The following TMEM9 variants were observed in gnomAD, a reference collection of about 807,000 sequenced individuals.
The protein encoded by TMEM9 is proton-transporting V-type ATPase complex assembly regulator TMEM9.
Under a neutral mutation model 22.8 loss-of-function variants are expected in TMEM9, and 13 were observed. The ratio of observed to expected loss-of-function variants is 0.57; its 90% CI spans 0.37 to 0.91. The LOEUF is 0.91. TMEM9 is among the 40% of genes least tolerant of loss of function. The probability of loss-of-function intolerance (pLI) is 0.01; values close to 1 mark genes in which losing one functional copy is unlikely to be tolerated. For synonymous variants in TMEM9, 88 were observed against 93.0 expected, an observed-to-expected ratio of 0.95 and a Z score of 0.31; for missense variants, 182 against 238.1, an observed-to-expected ratio of 0.76 and a Z score of 1.55.
chr1:201,143,733 A>G, intron 4 of TMEM9, 87 bp downstream of exon 4: 2 of 1,406,538 alleles, frequency 1.4e-6, no homozygotes, highest in Non-Finnish European at 2.0e-6. Flanking sequence ...GGGAGGTGGG[A>G]CCTGGACCTA....
chr1:201,139,428 G>A (rs1664310747), intron 4 of TMEM9, among the ~76,000 whole-genome samples: 1 of 152,176 alleles, frequency 6.6e-6, no homozygotes, highest in South Asian at 2.1e-4. Context: ...GGCTCTCCCT[G>A]ACCCCTGCAC....
intron 4 of TMEM9, among the ~76,000 whole-genome samples, chr1:201,138,201 G>A (rs919841117): frequency 2.0e-5 from 3 of 152,206 alleles, no homozygotes; most frequent in Non-Finnish European, 4.4e-5. Flanking sequence ...CTGTATCTCA[G>A]GGGAGCGTCT....
intron 2 of TMEM9, among the ~76,000 whole-genome samples, chr1:201,149,790 C>G (rs758207806): frequency 2.0e-5 from 3 of 152,194 alleles, no homozygotes; most frequent in Non-Finnish European, 4.4e-5. Flanking sequence ...CTAACCCTAG[C>G]ACTGAGGTAC....
rs761422215 is a variant in TMEM9 at position 201,151,825 on chromosome 1, TG to T, written c.93del (p.Cys31Ter). ...CTGATGTTTCTATAAGGTGGACAGA[TG>T]CATTTGCACCGGATATCTTCAGAAC... ...NKSSEDIRCK[C>X]ICPPYRNISG... is the part of the protein sequence containing the mutation. On this transcript the variant is annotated frameshift_variant, in exon 2 of 5. Coordinates refer to ENST00000367330, the MANE Select transcript of TMEM9 (RefSeq NM_001288565.2). LOFTEE classifies it high-confidence loss of function. 1 of 1,613,858 alleles carries T rather than the reference TG, an allele frequency of 6.2e-7. No individual in the cohort carries two copies. Among genetic ancestry groups the T allele is most frequent in the Non-Finnish European group, 8.5e-7 (1 of 1,180,024 alleles).
chr1:201,162,746 C>T (rs943785341), intron 1 of TMEM9, among the ~76,000 whole-genome samples: 1 of 152,124 alleles, frequency 6.6e-6, no homozygotes, highest in East Asian at 1.9e-4. Context: ...TGGACTTCAT[C>T]AAAATTAAAA....
chr1:201,166,215 T>G (rs937375326), intron 1 of TMEM9, among the ~76,000 whole-genome samples: 12 of 152,154 alleles, frequency 7.9e-5, no homozygotes, highest in Non-Finnish European at 1.6e-4. Context: ...AAATCTGCCT[T>G]TCTTTCCTAT....
chr1:201,159,254 G>A (rs957895806), upstream of TMEM9, among the ~76,000 whole-genome samples: 1 of 152,224 alleles, frequency 6.6e-6, no homozygotes, highest in Admixed American at 6.5e-5. Flanking sequence ...TCTAGCCACA[G>A]ATGGCAGGTC....
chr1:201,162,251 C>G (rs897318000), intron 1 of TMEM9, among the ~76,000 whole-genome samples: 2 of 151,504 alleles, frequency 1.3e-5, no homozygotes, highest in Admixed American at 6.6e-5. Flanking sequence ...GACCTCCAGG[C>G]TCTTGAGTAG....
chr1:201,143,287 C>A (rs771580477), intron 4 of TMEM9, among the ~76,000 whole-genome samples: 4 of 152,196 alleles, frequency 2.6e-5, no homozygotes, highest in Admixed American at 2.0e-4. Context: ...ATCCTTGCAA[C>A]GCTCAAAATT....
At chr1:201,138,470 G>A (rs1664202115) in intron 4 of TMEM9, among the ~76,000 whole-genome samples, 1 of 152,204 alleles carries the variant, frequency 6.6e-6, no homozygotes, top group Non-Finnish European at 1.5e-5. Flanking sequence ...AAGTATGGTG[G>A]GTGGAAGTGG....
In TMEM9 at chr1:201,166,951, G is replaced by A. The variant is rs117631947; in HGVS notation, c.-37+4539C>T. Among the ~76,000 whole-genome samples, 105 of 152,270 alleles carry A rather than the reference G, an allele frequency of 6.9e-4. No homozygotes were observed. In the East Asian group the frequency reaches 0.019, roughly 27 times the overall value. ...ATTTGTTTCCCTAACTGTAAAGTGA[G>A]AGCACTAAACAAGATCACTATTTTA... is the stretch of plus-strand genomic sequence containing the variant. On this transcript the variant is annotated intron_variant, in intron 1 of 5. Transcript: ENST00000367333.
chr1:201,165,142 A>G (rs1279820982), intron 1 of TMEM9, among the ~76,000 whole-genome samples: 1 of 105,642 alleles, frequency 9.5e-6, no homozygotes, highest in Non-Finnish European at 1.9e-5. Flanking sequence ...TCACTTTTTA[A>G]GAGAAAATTA....
rs114542185 is a variant in TMEM9 at position 201,166,904 on chromosome 1, C to T, written c.-37+4586G>A. 9.5e-3 allele frequency among the ~76,000 whole-genome samples: 1,443 copies of T among 152,302 alleles called. 18 individuals carry two copies. Among genetic ancestry groups the T allele is most frequent in the African/African-American group, 0.021 (869 of 41,556 alleles). ...TGTTAAATCTCTGTGTGATTCTGAG[C>T]AGGGCAGCTCTTTCCTCCTGAATTT... On this transcript the variant is annotated intron_variant, in intron 1 of 5. Coordinates refer to the TMEM9 transcript ENST00000367333.
At position 201,149,649 on chromosome 1, in the gene TMEM9, G is replaced by T. The variant is rs80209962; in HGVS notation, c.158+2112C>A. On this transcript the variant is annotated intron_variant, in intron 2 of 4. Coordinates refer to ENST00000367330, the MANE Select transcript of TMEM9 (RefSeq NM_001288565.2). ...GGCTTGGCCATTAAACCTGAGGACC[G>T]CATGTCAGATGATTCTGGCTTTACT... 2.1e-3 allele frequency among the ~76,000 whole-genome samples: 319 copies of T among 152,294 alleles called. 9 individuals carry two copies. The East Asian group carries it at 0.056, about 27-fold the overall frequency.
Position 201,135,506 on chromosome 1 carries a change from TACA to T in TMEM9, c.*154_*156del. On this transcript the variant is annotated 3_prime_UTR_variant, in exon 5 of 5. Transcript: ENST00000367330. ...CTCTTCCCTAATCAAAATAGCCAAG[TACA>T]ACATTTCTAAAGTTAGGGAGAAGGA... is the stretch of plus-strand genomic sequence containing the variant. 1.4e-6 allele frequency: 1 copy of T among 725,486 alleles called. No homozygotes were observed. Among genetic ancestry groups the T allele is most frequent in the Non-Finnish European group, 2.1e-6 (1 of 468,378 alleles). 44.9% of individuals were successfully genotyped at this position (725,486 alleles called of 1,614,324 possible). A position where few individuals can be genotyped will look rare whatever the true frequency, so the allele number is the denominator to read the frequency against.
intron 2 of TMEM9, among the ~76,000 whole-genome samples, chr1:201,150,310 G>A (rs1665321073): frequency 6.6e-6 from 1 of 152,312 alleles, no homozygotes; most frequent in South Asian, 2.1e-4. Context: ...TTCTCAGTCT[G>A]TGGTGTAAGT....
intron 4 of TMEM9, among the ~76,000 whole-genome samples, chr1:201,138,788 C>G (rs1373026651): frequency 6.6e-6 from 1 of 152,240 alleles, no homozygotes; most frequent in Non-Finnish European, 1.5e-5. Flanking sequence ...GATGAATCAT[C>G]TTGCTGCCCA....
At chr1:201,141,471 C>A (rs1356877642) in intron 4 of TMEM9, among the ~76,000 whole-genome samples, 3 of 152,132 alleles carry the variant, frequency 2.0e-5, no homozygotes, top group African/African-American at 7.2e-5. Flanking sequence ...CCTTACCCAG[C>A]CAAGGGCACC....
At chr1:201,165,173 T>C (rs1666042248) in intron 1 of TMEM9, among the ~76,000 whole-genome samples, 1 of 135,746 alleles carries the variant, frequency 7.4e-6, no homozygotes, top group Non-Finnish European at 1.6e-5. Context: ...TATATATATA[T>C]ATATATTCAT....
Sources: allele counts gnomAD v4.1 joint callset (sites outside exome capture counted in the v4.1 genomes callset), GRCh38; gene constraint gnomAD v4.1.1; transcripts MANE v1.5; gene names NCBI Gene and HGNC (gene_info 2026-07-23, HGNC 2026-07-21).